Variants in PDGFRA observed in about 807,000 individuals in gnomAD.
PDGFRA encodes the protein platelet derived growth factor receptor alpha.
A neutral mutation model predicts 121.5 loss-of-function variants in PDGFRA; 25 were observed. That is an observed-to-expected ratio of 0.21 (90% CI 0.15 to 0.29). The LOEUF (loss-of-function observed/expected upper bound fraction) is 0.29. Among genes scored for constraint, PDGFRA ranks in the 10% least tolerant of loss-of-function variants. The pLI is 1.00. For missense variants in PDGFRA, 1,008 were observed against 1,345.1 expected (o/e 0.75, Z 3.92); for synonymous variants, 463 against 494.8 (o/e 0.94, Z 0.85).
chr4:54,239,043 A>T (rs1414539751), intron 1 of PDGFRA, among the ~76,000 whole-genome samples: 3 of 152,194 alleles, frequency 2.0e-5, no homozygotes, highest in Non-Finnish European at 2.9e-5. Flanking sequence ...GCCAAAACCC[A>T]CCAAAACGAA....
intron 1 of PDGFRA, among the ~76,000 whole-genome samples, chr4:54,241,412 C>A (rs1461980424): frequency 6.6e-6 from 1 of 151,830 alleles, no homozygotes; most frequent in Non-Finnish European, 1.5e-5. Context: ...TAGGACAAGT[C>A]AGAAAGTCCA....
chr4:54,280,879 A>G (rs1295248343), intron 16 of PDGFRA: 1 of 173,004 alleles, frequency 5.8e-6, no homozygotes, highest in Admixed American at 5.7e-5. Context: ...CAGAATTACA[A>G]GTTGGCTGTC....
At chr4:54,235,923 G>A (rs1483825989) in intron 1 of PDGFRA, among the ~76,000 whole-genome samples, 1 of 152,268 alleles carries the variant, frequency 6.6e-6, no homozygotes, top group Admixed American at 6.5e-5. Context: ...GTTGGATAGA[G>A]TATCAGATTT....
intron 1 of PDGFRA, among the ~76,000 whole-genome samples, chr4:54,253,087 G>A (rs1173214354): frequency 6.6e-6 from 1 of 152,098 alleles, no homozygotes; most frequent in Non-Finnish European, 1.5e-5. Context: ...ACAGGGTCAT[G>A]GGAGTGGACT....
At chr4:54,260,784 C>A (rs1180825061) in intron 2 of PDGFRA, among the ~76,000 whole-genome samples, 1 of 152,002 alleles carries the variant, frequency 6.6e-6, no homozygotes, top group Non-Finnish European at 1.5e-5. Flanking sequence ...TGAGCCCGTG[C>A]CATCTTGGGA....
rs180993572 is a variant in PDGFRA at position 54,241,606 on chromosome 4, A to G, written c.-13+12191A>G. Among the ~76,000 whole-genome samples the G allele has an allele frequency of 2.0e-3, 306 of 151,632 alleles. 1 individual carries two copies. Among genetic ancestry groups the G allele is most frequent in the African/African-American group, 7.0e-3 (289 of 41,340 alleles). On this transcript the variant is annotated intron_variant, in intron 1 of 22. Transcript: ENST00000257290. ...CTCTTGTTGCCCAGGCTGGAGTGCA[A>G]TGTCATGATCTTGGTTCACTGCAGC...
intron 1 of PDGFRA, among the ~76,000 whole-genome samples, chr4:54,251,065 C>CAA (rs566538469): frequency 1.3e-3 from 69 of 51,704 alleles, no homozygotes; most frequent in African/African-American, 3.5e-3. Context: ...AACTCCGTCT[C>CAA]AAAAAAAAAA....
At chr4:54,258,153 G>T (rs1244721365) in intron 1 of PDGFRA, among the ~76,000 whole-genome samples, 1 of 151,882 alleles carries the variant, frequency 6.6e-6, no homozygotes, top group East Asian at 1.9e-4. Context: ...TTTCATGCTT[G>T]TACCTGCTTT....
intron 1 of PDGFRA, among the ~76,000 whole-genome samples, chr4:54,230,883 G>C (rs1720622317): frequency 6.6e-6 from 1 of 152,208 alleles, no homozygotes; most frequent in Non-Finnish European, 1.5e-5. Flanking sequence ...CCCAGGGAGC[G>C]GGCGGCGTCC....
At chr4:54,290,231 A>G (rs916045369) in intron 21 of PDGFRA, 82 bp from the exon 22 acceptor site, 27 of 1,108,666 alleles carry the variant, frequency 2.4e-5, no homozygotes, top group Non-Finnish European at 3.5e-5. Flanking sequence ...CAGTTAAATA[A>G]TAGTAAGTTC....
intron 5 of PDGFRA, chr4:54,265,431 C>G: frequency 3.2e-6 from 1 of 309,548 alleles, no homozygotes; most frequent in African/African-American, 2.1e-5. Flanking sequence ...CTTCTGTGCC[C>G]TGAGGTTTGA....
chr4:54,281,969 A>C, intron 16 of PDGFRA: 1 of 1,085,984 alleles, frequency 9.2e-7, no homozygotes, highest in Non-Finnish European at 1.1e-6. Flanking sequence ...AAAGCAATTC[A>C]CAGAAACTAC....
At chr4:54,250,565 A>G (rs1450148653) in intron 1 of PDGFRA, among the ~76,000 whole-genome samples, 1 of 152,250 alleles carries the variant, frequency 6.6e-6, no homozygotes, top group Non-Finnish European at 1.5e-5. Context: ...GTACATTATC[A>G]GTCATAATTA....
rs528064161 is a variant in PDGFRA at position 54,232,187 on chromosome 4, T to C, written c.-13+2772T>C. Among the ~76,000 whole-genome samples the C allele has an allele frequency of 4.0e-5, 6 of 151,612 alleles. No individual in the cohort carries two copies. The East Asian group carries it at 1.2e-3, about 30-fold the overall frequency. On this transcript the variant is annotated intron_variant, in intron 1 of 22. Transcript: ENST00000257290. ...TGACCGAAAGGTGTGGGTCTCAGGG[T>C]TCCCCGGGTCTAACTCGCCGGGTCC...
chr4:54,281,825 A>G (rs1327589309), intron 16 of PDGFRA: 2 of 1,245,858 alleles, frequency 1.6e-6, no homozygotes, highest in African/African-American at 1.5e-5. Flanking sequence ...GGGAAAGTGG[A>G]CAAGTTACAA....
rs2110242609 is a variant in PDGFRA, at chr4:54,261,267, A to G, written c.222A>G (p.Glu74=). 6.2e-7 allele frequency: 1 copy of G among 1,614,176 alleles called. No individual in the cohort carries two copies. Among genetic ancestry groups the G allele is most frequent in the Non-Finnish European group, 8.5e-7 (1 of 1,180,018 alleles). The part of the protein sequence containing the change: ...EESSDVEIRN[E]ENNSGLFVTV... Reference sequence around the variant, plus strand: ...GCTCCGATGTGGAAATCAGAAATGAAGAAAACAACAGCGGCCTTTTTGTGA... The same window carrying G: ...GCTCCGATGTGGAAATCAGAAATGAGGAAAACAACAGCGGCCTTTTTGTGA... The change falls in exon 3 of 23, where the codon GAA becomes GAG. Residue 74 remains glutamate (E), a synonymous_variant. Coordinates refer to ENST00000257290, the MANE Select transcript of PDGFRA (RefSeq NM_006206.6).
At chr4:54,270,784 G>A (rs1320093504) in intron 8 of PDGFRA, 36 bp downstream of exon 8, 2 of 1,130,132 alleles carry the variant, frequency 1.8e-6, no homozygotes, top group South Asian at 1.2e-5. Flanking sequence ...TGCTAGCTCT[G>A]TAGATGAGTG....
At chr4:54,252,101 T>G (rs1722078951) in intron 1 of PDGFRA, among the ~76,000 whole-genome samples, 1 of 152,236 alleles carries the variant, frequency 6.6e-6, no homozygotes, top group African/African-American at 2.4e-5. Context: ...CCCTGCTTAT[T>G]CCTGAGAATC....
At chr4:54,250,583 T>C (rs1722000400) in intron 1 of PDGFRA, among the ~76,000 whole-genome samples, 1 of 152,244 alleles carries the variant, frequency 6.6e-6, no homozygotes, top group Non-Finnish European at 1.5e-5. Context: ...TTATAGTTCT[T>C]ATGTTACATT....
Sources: allele counts gnomAD v4.1 joint callset (sites outside exome capture counted in the v4.1 genomes callset), GRCh38; gene constraint gnomAD v4.1.1; transcripts MANE v1.5; gene names NCBI Gene and HGNC (gene_info 2026-07-23, HGNC 2026-07-21).